Variants in NUFIP2 observed in about 807,000 individuals in gnomAD.
The protein encoded by NUFIP2 is FMR1-interacting protein NUFIP2.
Under a neutral mutation model 56.9 loss-of-function variants are expected in NUFIP2, and 6 were observed. That is an observed-to-expected ratio of 0.11 (90% CI 0.06 to 0.21). NUFIP2 has a LOEUF of 0.21. Ranked by LOEUF, NUFIP2 falls within the 10% of genes least tolerant of loss-of-function variation. The pLI is 1.00. For synonymous variants in NUFIP2, 321 were observed against 298.2 expected, an observed-to-expected ratio of 1.08 and a Z score of -0.79; for missense variants, 828 against 826.8, an observed-to-expected ratio of 1.00 and a Z score of -0.02.
rs2068978744 is a variant in NUFIP2, at chr17:29,257,709, G to A, written c.*6830C>T. On this transcript the variant is annotated 3_prime_UTR_variant, in exon 4 of 4. Transcript: ENST00000225388. Reference sequence around the variant, plus strand: ...GGACTCCATTATCTCCCTATATTTTGCAAACAATGCTTTGTATAACACTTC... The same window carrying A: ...GGACTCCATTATCTCCCTATATTTTACAAACAATGCTTTGTATAACACTTC... The A allele has an allele frequency of 6.6e-6, 1 of 152,076 alleles. No homozygotes were observed. The highest frequency in any genetic ancestry group is 2.1e-4 in the South Asian group (1 of 4,838). The allele number at this position is 152,076 out of a possible 1,614,324, so 9.4% of individuals were successfully genotyped here. A position where few individuals can be genotyped will look rare whatever the true frequency, so the allele number is the denominator to read the frequency against.
rs2069001588 is a variant in NUFIP2 at position 29,261,395 on chromosome 17, C to G, written c.*3144G>C. ...AATATCTCCATCTTTTCCTCACACA[C>G]ACATACATACATACATAAACACACA... On this transcript the variant is annotated 3_prime_UTR_variant, in exon 4 of 4. Transcript: ENST00000225388. 1 of 150,170 alleles carries G rather than the reference C, an allele frequency of 6.7e-6. No individual in the cohort carries two copies. Among genetic ancestry groups the G allele is most frequent in the South Asian group, 2.1e-4 (1 of 4,742 alleles). 9.3% of individuals were successfully genotyped at this position (150,170 alleles called of 1,614,324 possible). A position where few individuals can be genotyped will look rare whatever the true frequency, so the allele number is the denominator to read the frequency against.
chr17:29,275,244 G>A (rs1348622859), intron 2 of NUFIP2, among the ~76,000 whole-genome samples: 2 of 151,904 alleles, frequency 1.3e-5, no homozygotes, highest in Non-Finnish European at 2.9e-5. Context: ...GGCTGGTCTC[G>A]AACTCCTGAC....
intron 3 of NUFIP2, among the ~76,000 whole-genome samples, chr17:29,264,986 C>T (rs190485606): frequency 1.3e-5 from 2 of 152,322 alleles, no homozygotes; most frequent in African/African-American, 4.8e-5. Context: ...TTGCTGTTCC[C>T]AGCAAATGAA....
intron 3 of NUFIP2, among the ~76,000 whole-genome samples, chr17:29,265,709 C>A: frequency 1.1e-5 from 1 of 94,128 alleles, no homozygotes; most frequent in Non-Finnish European, 2.0e-5. Flanking sequence ...AGTATACATG[C>A]TTAAAAAAAA....
intron 2 of NUFIP2, among the ~76,000 whole-genome samples, chr17:29,272,101 G>GAGGGA (rs2069077570): frequency 1.5e-5 from 2 of 131,962 alleles, no homozygotes; most frequent in African/African-American, 5.6e-5. Flanking sequence ...GAGGGGAGGG[G>GAGGGA]AGGGGAGAAG....
chr17:29,283,486 T>C (rs2069152609), intron 2 of NUFIP2, among the ~76,000 whole-genome samples: 1 of 152,102 alleles, frequency 6.6e-6, no homozygotes, highest in Admixed American at 6.6e-5. Context: ...CTACACATTG[T>C]TGCCCAGGCT....
intron 2 of NUFIP2, among the ~76,000 whole-genome samples, chr17:29,284,718 A>AG (rs1021076930): frequency 6.6e-6 from 1 of 150,690 alleles, no homozygotes; most frequent in Non-Finnish European, 1.5e-5. Flanking sequence ...AAAAAAAAAA[A>AG]AAAAAAAAAG....
At chr17:29,280,966 C>G (rs1567679549) in intron 2 of NUFIP2, among the ~76,000 whole-genome samples, 1 of 149,904 alleles carries the variant, frequency 6.7e-6, no homozygotes, top group East Asian at 2.0e-4. Context: ...TCCTGGGTGA[C>G]AGAGTGAGGC....
intron 2 of NUFIP2, among the ~76,000 whole-genome samples, chr17:29,280,967 AGAGT>A (rs1248663738): frequency 8.0e-6 from 1 of 124,224 alleles, no homozygotes; most frequent in Non-Finnish European, 1.7e-5. Context: ...CCTGGGTGAC[AGAGT>A]GAGGCTCCGT....
At chr17:29,270,953 C>T (rs554150078) in intron 2 of NUFIP2, among the ~76,000 whole-genome samples, 2 of 152,280 alleles carry the variant, frequency 1.3e-5, no homozygotes, top group African/African-American at 4.8e-5. Flanking sequence ...GAATACACTT[C>T]AGAGTCACAG....
At chr17:29,292,096 A>T (rs1254612034) in intron 1 of NUFIP2, among the ~76,000 whole-genome samples, 1 of 152,212 alleles carries the variant, frequency 6.6e-6, no homozygotes, top group Non-Finnish European at 1.5e-5. Flanking sequence ...CTTCTCGTGA[A>T]ATACTTTCTT....
chr17:29,289,422 G>A (rs375943765), intron 1 of NUFIP2, among the ~76,000 whole-genome samples: 4 of 151,980 alleles, frequency 2.6e-5, no homozygotes, highest in South Asian at 2.1e-4. Context: ...GTGAAACCCC[G>A]TCTCTACTAA....
At chr17:29,272,054 CAG>C (rs1477302705) in intron 2 of NUFIP2, among the ~76,000 whole-genome samples, 5 of 100,624 alleles carry the variant, frequency 5.0e-5, no homozygotes, top group Admixed American at 1.7e-4. Context: ...GCTTGGGCAA[CAG>C]AGTGAGACTG....
intron 2 of NUFIP2, among the ~76,000 whole-genome samples, chr17:29,275,687 A>T (rs2069103412): frequency 6.6e-6 from 1 of 152,034 alleles, no homozygotes; most frequent in African/African-American, 2.4e-5. Context: ...CTCAGGCCTC[A>T]TTTTCTGTCT....
At chr17:29,282,762 C>A (rs1165011210) in intron 2 of NUFIP2, among the ~76,000 whole-genome samples, 2 of 152,050 alleles carry the variant, frequency 1.3e-5, no homozygotes, top group Non-Finnish European at 2.9e-5. Flanking sequence ...GAGATTACTA[C>A]TGAACATCTG....
At chr17:29,281,685 T>A in intron 2 of NUFIP2, among the ~76,000 whole-genome samples, 1 of 92,796 alleles carries the variant, frequency 1.1e-5, no homozygotes, top group Admixed American at 1.0e-4. Context: ...AGATCCTGTC[T>A]CTTTAAAAAA....
chr17:29,278,856 A>T (rs982158224), intron 2 of NUFIP2, among the ~76,000 whole-genome samples: 2 of 152,186 alleles, frequency 1.3e-5, no homozygotes, highest in African/African-American at 4.8e-5. Context: ...ATGAAACATC[A>T]AGCAGTCAGT....
intron 2 of NUFIP2, among the ~76,000 whole-genome samples, chr17:29,270,009 C>T (rs544189913): frequency 1.1e-4 from 17 of 152,170 alleles, no homozygotes; most frequent in East Asian, 5.8e-4. Context: ...TGTGAGCCAC[C>T]GCGCCTGGCC....
Position 29,286,883 on chromosome 17 carries a change from G to C in NUFIP2, c.1111C>G (p.Gln371Glu), listed in dbSNP as rs1476141147. 1 of 1,614,170 alleles carries C rather than the reference G, an allele frequency of 6.2e-7. No individual in the cohort carries two copies. Residue 371 changes from glutamine to glutamate, a missense_variant, in exon 2 of 4, where the codon CAG (glutamine) becomes GAG (glutamate). By Grantham distance (29) the Gln-to-Glu change is conservative. This residue lies in a region of NUFIP2 where 404 missense variants were observed against 380.3 expected (regional missense o/e 1.06). Coordinates refer to ENST00000225388, the MANE Select transcript of NUFIP2 (RefSeq NM_020772.3). ...GAAGTTGGTGACACAGAAGAGTTCT[G>C]TATAGTTTTGTTGAGGTTTTCCTTA... ...KVKENLNKTI[Q>E]NSSVSPTSSS...
Sources: gnomAD v4.1 joint callset for allele counts (sites outside exome capture counted in the v4.1 genomes callset) on GRCh38, gnomAD v4.1.1 for gene constraint, gnomAD v4.1.1 regional missense constraint, MANE v1.5 for transcripts, NCBI Gene and HGNC (gene_info 2026-07-23, HGNC 2026-07-21) for gene names.